Variants in RPSA2 observed in about 807,000 individuals in gnomAD.
RPSA2 encodes the protein ribosomal protein SA 2.
chr19:23,797,082 G>A, the RPSA2 span, among the ~76,000 whole-genome samples: 1 of 151,578 alleles, frequency 6.6e-6, no homozygotes, highest in Non-Finnish European at 1.5e-5. Context: ...ATATTCTGAT[G>A]TGTTGGTTTT....
the RPSA2 span, chr19:23,762,862 G>C: frequency 2.0e-5 from 3 of 152,214 alleles, no homozygotes; most frequent in Non-Finnish European, 4.4e-5. Context: ...ACTGCCGAGC[G>C]GGGCGGGTGG....
the RPSA2 span, chr19:23,842,794 AC>A: frequency 3.3e-5 from 5 of 152,138 alleles, no homozygotes; most frequent in African/African-American, 1.2e-4. Flanking sequence ...TTTAAGGAAA[AC>A]TTGACGGTTT....
the RPSA2 span, among the ~76,000 whole-genome samples, chr19:23,862,291 G>T: frequency 6.6e-6 from 1 of 151,554 alleles, no homozygotes; most frequent in South Asian, 2.1e-4. Context: ...AGACAATGGG[G>T]TTTTCTAGAT....
the RPSA2 span, among the ~76,000 whole-genome samples, chr19:23,805,802 T>A: frequency 2.0e-5 from 3 of 152,242 alleles, no homozygotes; most frequent in Admixed American, 1.3e-4. Context: ...CCTAATGAGT[T>A]TTTCTTAACT....
chr19:23,761,901 A>ATCCTTCCTTCCTTCCTTCC, the RPSA2 span, among the ~76,000 whole-genome samples: 1 of 34,016 alleles, frequency 2.9e-5, no homozygotes, highest in Non-Finnish European at 6.7e-5. Flanking sequence ...GGGTAACGTA[A>ATCCTTCCTTCCTTCCTTCC]TTCTTTCTTT....
At chr19:23,770,796 G>A in the RPSA2 span, among the ~76,000 whole-genome samples, 2 of 152,006 alleles carry the variant, frequency 1.3e-5, no homozygotes, top group African/African-American at 2.4e-5. Context: ...CCCTAATCAA[G>A]CACCCATGTG....
the RPSA2 span, among the ~76,000 whole-genome samples, chr19:23,845,278 T>A: frequency 6.7e-6 from 1 of 149,784 alleles, no homozygotes; most frequent in South Asian, 2.1e-4. Flanking sequence ...GATTTATGTT[T>A]TTTTTTTCTT....
At chr19:23,772,615 A>C in the RPSA2 span, among the ~76,000 whole-genome samples, 4 of 152,158 alleles carry the variant, frequency 2.6e-5, no homozygotes, top group Admixed American at 1.3e-4. Context: ...TGAGTGTTAC[A>C]AAGAGTGTTA....
At chr19:23,848,751 T>C in the RPSA2 span, among the ~76,000 whole-genome samples, 1 of 152,228 alleles carries the variant, frequency 6.6e-6, no homozygotes, top group African/African-American at 2.4e-5. Flanking sequence ...CAGACTGTCT[T>C]AAATCATTCA....
At chr19:23,862,538 T>C in the RPSA2 span, among the ~76,000 whole-genome samples, 1 of 152,152 alleles carries the variant, frequency 6.6e-6, no homozygotes, top group East Asian at 1.9e-4. Context: ...TCTTATTATT[T>C]TGAGATACAT....
chr19:23,781,133 C>A, the RPSA2 span, among the ~76,000 whole-genome samples: 1 of 152,102 alleles, frequency 6.6e-6, no homozygotes, highest in Admixed American at 6.6e-5. Context: ...TGCCACAATG[C>A]CTGGCTAATT....
chr19:23,816,064 A>G, the RPSA2 span, among the ~76,000 whole-genome samples: 12 of 150,718 alleles, frequency 8.0e-5, no homozygotes, highest in East Asian at 2.1e-3. Context: ...TGTAGGCAAC[A>G]TACTGTTTGC....
the RPSA2 span, among the ~76,000 whole-genome samples, chr19:23,765,944 ATTAAT>A: frequency 6.8e-6 from 1 of 146,654 alleles, no homozygotes; most frequent in Non-Finnish European, 1.5e-5. Context: ...TGTGTAAAAA[ATTAAT>A]TTATTCTGGA....
the RPSA2 span, among the ~76,000 whole-genome samples, chr19:23,810,782 C>T: frequency 1.3e-5 from 2 of 152,062 alleles, no homozygotes; most frequent in African/African-American, 4.8e-5. Flanking sequence ...CAGGACCTCC[C>T]CCAGACTGTG....
At chr19:23,837,019 G>T in the RPSA2 span, among the ~76,000 whole-genome samples, 2 of 152,008 alleles carry the variant, frequency 1.3e-5, no homozygotes, top group Non-Finnish European at 2.9e-5. Flanking sequence ...TGTTTTTACT[G>T]CATTTGCTTT....
chr19:23,783,809 C>T, the RPSA2 span, among the ~76,000 whole-genome samples: 3 of 152,150 alleles, frequency 2.0e-5, no homozygotes, highest in African/African-American at 7.2e-5. Flanking sequence ...GGTCAAGCAA[C>T]CAGCTGTTCT....
the RPSA2 span, among the ~76,000 whole-genome samples, chr19:23,851,361 T>A: frequency 6.6e-6 from 1 of 152,116 alleles, no homozygotes; most frequent in Non-Finnish European, 1.5e-5. Flanking sequence ...TGAGTGAGAT[T>A]GGAACTTCTG....
the RPSA2 span, among the ~76,000 whole-genome samples, chr19:23,840,350 C>G: frequency 6.6e-6 from 1 of 152,216 alleles, no homozygotes; most frequent in East Asian, 1.9e-4. Context: ...ACAAATAGTA[C>G]CTTGAATTTA....
At chr19:23,762,817 A>T in the RPSA2 span, 1 of 152,264 alleles carries the variant, frequency 6.6e-6, no homozygotes, top group African/African-American at 2.4e-5. Context: ...TTCCCTGTGC[A>T]TGTTACCTTA....
Sources: gnomAD v4.1 joint callset for allele counts (sites outside exome capture counted in the v4.1 genomes callset) on GRCh38, gnomAD v4.1.1 for gene constraint, MANE v1.5 for transcripts, NCBI Gene and HGNC (gene_info 2026-07-23, HGNC 2026-07-21) for gene names.